Variants in ADGRL2 observed in about 807,000 individuals in gnomAD.
ADGRL2 encodes the protein adhesion G protein-coupled receptor L2.
ADGRL2 carries 44 observed loss-of-function variants against 157.4 expected under a neutral mutation model. The observed-to-expected ratio is 0.28, with a 90% CI of 0.22 to 0.36. The LOEUF (loss-of-function observed/expected upper bound fraction) is 0.36, where lower values mean the gene tolerates loss of function less well. Among genes scored for constraint, ADGRL2 ranks in the 10% least tolerant of loss-of-function variants. The probability of loss-of-function intolerance (pLI) is 1.00; values close to 1 mark genes in which losing one functional copy is unlikely to be tolerated. For synonymous variants in ADGRL2, 585 were observed against 624.7 expected (o/e 0.94, Z 0.95); for missense variants, 1,510 against 1,768.9 (o/e 0.85, Z 2.63).
chr1:81,988,755 G>A (rs1447328822), intron 23 of ADGRL2, among the ~76,000 whole-genome samples: 1 of 152,050 alleles, frequency 6.6e-6, no homozygotes, highest in East Asian at 1.9e-4. Context: ...TTTGTGTCAG[G>A]TGATACAGAT....
At chr1:81,566,195 TCAAACATGTATTGGTTCCTG>T (rs909667004) in intron 2 of ADGRL2, among the ~76,000 whole-genome samples, 1 of 152,166 alleles carries the variant, frequency 6.6e-6, no homozygotes, top group African/African-American at 2.4e-5. Context: ...GAAAATATAT[TCAAACATGTATTGGTTCCTG>T]CAAACATGTA....
intron 1 of ADGRL2, among the ~76,000 whole-genome samples, chr1:81,729,351 A>T (rs2084645445): frequency 6.6e-6 from 1 of 152,016 alleles, no homozygotes; most frequent in Admixed American, 6.6e-5. Context: ...ATGGGTTCTT[A>T]TTTCTAGTTA....
chr1:81,665,642 G>A (rs1451261140), intron 3 of ADGRL2, among the ~76,000 whole-genome samples: 1 of 151,990 alleles, frequency 6.6e-6, no homozygotes, highest in African/African-American at 2.4e-5. Flanking sequence ...CTCTATATGA[G>A]AACCTCTAGA....
intron 1 of ADGRL2, among the ~76,000 whole-genome samples, chr1:81,715,097 T>C (rs2084065954): frequency 6.6e-6 from 1 of 152,036 alleles, no homozygotes; most frequent in African/African-American, 2.4e-5. Flanking sequence ...TTTGTGACAT[T>C]ATTTTTGGAT....
At chr1:81,864,726 CTGAGGTGGG>C (rs2093485971) in intron 2 of ADGRL2, among the ~76,000 whole-genome samples, 1 of 152,164 alleles carries the variant, frequency 6.6e-6, no homozygotes, top group Admixed American at 6.6e-5. Flanking sequence ...CTTTGGGAGG[CTGAGGTGGG>C]CGGATAACCG....
chr1:81,350,909 G>A (rs1183786833), intron 1 of ADGRL2, among the ~76,000 whole-genome samples: 1 of 152,016 alleles, frequency 6.6e-6, no homozygotes, highest in Admixed American at 6.6e-5. Context: ...ATTGACTTAT[G>A]GCTCAAAGAG....
chr1:81,591,319 T>C (rs1358437345), intron 3 of ADGRL2, among the ~76,000 whole-genome samples: 1 of 152,152 alleles, frequency 6.6e-6, no homozygotes, highest in Non-Finnish European at 1.5e-5. Context: ...ACTCCTTTTT[T>C]TCAGAGTCCT....
chr1:81,797,039 C>A (rs1232759343), upstream of ADGRL2, among the ~76,000 whole-genome samples: 1 of 152,290 alleles, frequency 6.6e-6, no homozygotes, highest in Non-Finnish European at 1.5e-5. Context: ...AAGCTAGCAA[C>A]TTTCAACAAG....
chr1:81,859,936 A>T (rs2093337648), intron 2 of ADGRL2, among the ~76,000 whole-genome samples: 1 of 151,892 alleles, frequency 6.6e-6, no homozygotes. Context: ...TTTCCCCCAT[A>T]AAAAACGGGC....
At chr1:81,413,819 C>T (rs2076989880) in intron 1 of ADGRL2, among the ~76,000 whole-genome samples, 1 of 152,148 alleles carries the variant, frequency 6.6e-6, no homozygotes, top group South Asian at 2.1e-4. Context: ...TCTGTATATA[C>T]ACACATACAC....
rs547333614 is a variant in ADGRL2 at position 81,373,264 on chromosome 1, C to T, written c.-302+66755C>T. 1.4e-4 allele frequency among the ~76,000 whole-genome samples: 21 copies of T among 152,302 alleles called. No individual in the cohort carries two copies. The South Asian group carries it at 4.4e-3, about 32-fold the overall frequency. The stretch of plus-strand genomic sequence containing the variant: ...TCTAAGATGGAGATAATTAATAACT[C>T]CTGATCCCACTTCTCAAAATGTTAG... On this transcript the variant is annotated intron_variant, in intron 1 of 24. Coordinates refer to the ADGRL2 transcript ENST00000370721.
chr1:81,930,052 C>G (rs554330660), intron 3 of ADGRL2, among the ~76,000 whole-genome samples: 1 of 152,258 alleles, frequency 6.6e-6, no homozygotes, highest in Non-Finnish European at 1.5e-5. Flanking sequence ...TCTACAGCTT[C>G]TGCTTTTAAA....
At chr1:81,581,943 A>T (rs1244575216) in intron 3 of ADGRL2, among the ~76,000 whole-genome samples, 2 of 151,886 alleles carry the variant, frequency 1.3e-5, no homozygotes, top group African/African-American at 4.8e-5. Context: ...GAAACAGGAC[A>T]GGCATGGTGG....
chr1:81,655,778 T>C (rs1384490793), intron 3 of ADGRL2, among the ~76,000 whole-genome samples: 2 of 150,990 alleles, frequency 1.3e-5, no homozygotes, highest in Non-Finnish European at 2.9e-5. Flanking sequence ...TCAGCTGTGA[T>C]CTCCCTCCGC....
At chr1:81,638,039 T>C (rs938821609) in intron 3 of ADGRL2, among the ~76,000 whole-genome samples, 3 of 152,052 alleles carry the variant, frequency 2.0e-5, no homozygotes, top group African/African-American at 7.2e-5. Flanking sequence ...AGACTTCATA[T>C]ACCGTGTTGG....
chr1:81,367,782 C>G (rs1444812645), intron 1 of ADGRL2, among the ~76,000 whole-genome samples: 1 of 152,178 alleles, frequency 6.6e-6, no homozygotes, highest in Non-Finnish European at 1.5e-5. Flanking sequence ...GAACTCCTGA[C>G]CTCAGGTGAT....
chr1:81,834,964 TTCC>T (rs1373874658), intron 1 of ADGRL2, among the ~76,000 whole-genome samples: 1 of 152,166 alleles, frequency 6.6e-6, no homozygotes, highest in Non-Finnish European at 1.5e-5. Flanking sequence ...ATTGTGTGGT[TTCC>T]TCCTCCTTTT....
chr1:81,964,989 T>C (rs1453986020), intron 11 of ADGRL2, among the ~76,000 whole-genome samples: 3 of 152,138 alleles, frequency 2.0e-5, no homozygotes, highest in Non-Finnish European at 4.4e-5. Flanking sequence ...ATAATTACAA[T>C]CTGTATTGTG....
chr1:81,754,646 TTTCC>T (rs1383603012), intron 1 of ADGRL2, among the ~76,000 whole-genome samples: 1 of 148,794 alleles, frequency 6.7e-6, no homozygotes, highest in Non-Finnish European at 1.5e-5. Flanking sequence ...TTTCCTTTCC[TTTCC>T]TTCCTTCCTC....
Sources: gnomAD v4.1 joint callset for allele counts (sites outside exome capture counted in the v4.1 genomes callset) on GRCh38, gnomAD v4.1.1 for gene constraint, MANE v1.5 for transcripts, NCBI Gene and HGNC (gene_info 2026-07-23, HGNC 2026-07-21) for gene names.